The following NIPBL variants were observed in gnomAD, a reference collection of about 807,000 sequenced individuals.
NIPBL encodes the protein NIPBL cohesin loading factor.
Under a neutral mutation model 321.8 loss-of-function variants are expected in NIPBL, and 19 were observed. That is an observed-to-expected ratio of 0.06 (90% CI 0.04 to 0.09). NIPBL has a LOEUF of 0.09. Ranked by LOEUF, NIPBL falls within the 10% of genes least tolerant of loss-of-function variation. The probability of loss-of-function intolerance (pLI) is 1.00; values close to 1 mark genes in which losing one functional copy is unlikely to be tolerated. For synonymous variants in NIPBL, 1,106 were observed against 1,114.1 expected (o/e 0.99, Z 0.14); for missense variants, 2,210 against 3,327.0 (o/e 0.66, Z 8.26).
At chr5:37,058,581 A>G (rs995218827) in intron 43 of NIPBL, among the ~76,000 whole-genome samples, 15 of 152,156 alleles carry the variant, frequency 9.9e-5, no homozygotes, top group African/African-American at 1.9e-4. Context: ...TGACTTACCT[A>G]TGCACCAAAT....
intron 32 of NIPBL, among the ~76,000 whole-genome samples, chr5:37,030,701 C>T (rs1037736227): frequency 1.3e-5 from 2 of 151,508 alleles, no homozygotes; most frequent in African/African-American, 4.8e-5. Context: ...ACTAAAATAG[C>T]TTCAAATTCC....
Position 36,937,542 on chromosome 5 carries a change from AT to A in NIPBL, c.-79-16065del, listed in dbSNP as rs72215142. Among the ~76,000 whole-genome samples the A allele has an allele frequency of 1.2e-3, 175 of 147,840 alleles. 1 individual carries two copies. Among genetic ancestry groups the A allele is most frequent in the African/African-American group, 3.4e-3 (137 of 40,486 alleles). ...TGCTGGATTGTACTTTCAGGATGTG[AT>A]TTTTTTTTTTCCCAAGAAAAGAGAA... On this transcript the variant is annotated intron_variant, in intron 1 of 46. Transcript: ENST00000282516.
In NIPBL at chr5:37,008,709, T is replaced by C. The variant is rs1484355469; in HGVS notation, c.4407T>C (p.Ser1469=). The C allele has an allele frequency of 3.2e-6, 5 of 1,581,982 alleles. No individual in the cohort carries two copies. Among genetic ancestry groups the C allele is most frequent in the Non-Finnish European group, 4.3e-6 (5 of 1,151,294 alleles). ...CAAGATTACCAACCAGCAAGAGGAG[T>C]TTAAGGAACTTCAGGTAATTAATTA... ...SLARLPTSKR[S]LRNFRLNSSD... Residue 1469 remains serine (S), a synonymous_variant, in exon 20 of 47, where the codon AGT becomes AGC. Transcript: ENST00000282516.
intron 1 of NIPBL, among the ~76,000 whole-genome samples, chr5:36,932,685 T>G (rs1749860138): frequency 6.6e-6 from 1 of 152,068 alleles, no homozygotes; most frequent in African/African-American, 2.4e-5. Flanking sequence ...TAATGTGATT[T>G]TTGATATGGG....
chr5:37,059,256 C>A, intron 44 of NIPBL, 91 bp downstream of exon 44: 1 of 1,424,962 alleles, frequency 7.0e-7, no homozygotes, highest in Non-Finnish European at 9.8e-7. Flanking sequence ...CCTGTAATCC[C>A]AACATTTTGG....
At chr5:37,027,516 A>G in intron 32 of NIPBL, 104 bp downstream of exon 32, 1 of 689,124 alleles carries the variant, frequency 1.5e-6, no homozygotes, top group Non-Finnish European at 2.4e-6. Flanking sequence ...GAACCTTTTT[A>G]GTTCTTTTGG....
intron 1 of NIPBL, among the ~76,000 whole-genome samples, chr5:36,910,713 A>G (rs1747984882): frequency 6.6e-6 from 1 of 152,174 alleles, no homozygotes; most frequent in Non-Finnish European, 1.5e-5. Flanking sequence ...GTAAGAAGGT[A>G]AAGGTAAAGG....
rs538392275 is a variant in NIPBL at position 37,001,216 on chromosome 5, A to T, written c.3664+138A>T. 1.4e-4 allele frequency: 92 copies of T among 653,102 alleles called. No homozygotes were observed. The Middle Eastern group carries it at 1.7e-3, about 12-fold the overall frequency. The allele number at this position is 653,102 out of a possible 1,614,324, so 40.5% of individuals were successfully genotyped here. On this transcript the variant is annotated intron_variant, in intron 14 of 46. Coordinates refer to ENST00000282516, the MANE Select transcript of NIPBL (RefSeq NM_133433.4). ...TTGTTGTGATCACTTGTTGCTGACA[A>T]TGATAAACTTTCTAGTCTGTTATTT...
chr5:36,961,821 A>G, intron 5 of NIPBL, among the ~76,000 whole-genome samples: 1 of 152,242 alleles, frequency 6.6e-6, no homozygotes, highest in East Asian at 1.9e-4. Flanking sequence ...AAATGTTAAA[A>G]TAACTAATGT....
chr5:36,895,707 T>C (rs955622763), intron 1 of NIPBL, among the ~76,000 whole-genome samples: 1 of 152,252 alleles, frequency 6.6e-6, no homozygotes, highest in Non-Finnish European at 1.5e-5. Context: ...TCCTAATGAC[T>C]GATGATATTA....
chr5:37,046,731 A>G (rs982092132), intron 38 of NIPBL, among the ~76,000 whole-genome samples: 1 of 152,216 alleles, frequency 6.6e-6, no homozygotes, highest in Non-Finnish European at 1.5e-5. Context: ...TTGATGTAAT[A>G]AAAACATGTT....
chr5:36,877,714 A>G (rs1452121833), intron 1 of NIPBL, among the ~76,000 whole-genome samples: 1 of 152,220 alleles, frequency 6.6e-6, no homozygotes. Context: ...AGTGAGACAA[A>G]CGTAAATACT....
chr5:36,995,416 T>C, intron 10 of NIPBL: 3 of 424,642 alleles, frequency 7.1e-6, no homozygotes, highest in Non-Finnish European at 8.3e-6. Flanking sequence ...TTAAAGTCAT[T>C]ACATAATTAT....
At chr5:37,012,774 G>C (rs1324468288) in intron 21 of NIPBL, among the ~76,000 whole-genome samples, 1 of 152,138 alleles carries the variant, frequency 6.6e-6, no homozygotes, top group Non-Finnish European at 1.5e-5. Context: ...GAGAGCACAG[G>C]GTTGGGGGTA....
chr5:36,969,451 A>C (rs1742606373), intron 6 of NIPBL, among the ~76,000 whole-genome samples: 3 of 152,240 alleles, frequency 2.0e-5, no homozygotes, highest in Admixed American at 2.0e-4. Flanking sequence ...TGAAGAGCTT[A>C]GGAACATACC....
chr5:36,985,286 C>T lies in NIPBL; in HGVS notation c.2106C>T (p.Thr702=). 6.2e-7 allele frequency: 1 copy of T among 1,613,380 alleles called. No homozygotes were observed. The highest frequency in any genetic ancestry group is 8.5e-7 in the Non-Finnish European group (1 of 1,179,866). The change falls in exon 10 of 47, where the codon ACC becomes ACT. Residue 702 remains threonine (T), a synonymous_variant. Transcript: ENST00000282516. The stretch of plus-strand genomic sequence containing the variant: ...AAACAACAAAATCAAGGCCTGAAAC[C>T]CCAAAGCAAAAGGGTGAAAGCCGGC... ...RSETTKSRPE[T]PKQKGESRPE...
Position 36,976,145 on chromosome 5 carries a change from C to T in NIPBL, c.1238C>T (p.Pro413Leu). 1 of 1,613,426 alleles carries T rather than the reference C, an allele frequency of 6.2e-7. No individual in the cohort carries two copies. ...TPITPQDINR[P>L]LNAAQCLSQQ... ...ATTACTCCACAAGATATAAACCGCCCACTAAATGCTGCTCAATGTTTGTCG... is the reference window on the plus strand; with the variant it reads ...ATTACTCCACAAGATATAAACCGCCTACTAAATGCTGCTCAATGTTTGTCG... The change falls in exon 9 of 47, where the codon CCA (proline) becomes CTA (leucine). Residue 413 changes from proline to leucine, a missense_variant. This residue lies in a region of NIPBL where 464 missense variants were observed against 529.5 expected (regional missense o/e 0.88). Coordinates refer to ENST00000282516, the MANE Select transcript of NIPBL (RefSeq NM_133433.4).
At chr5:36,905,979 C>T (rs532289761) in intron 1 of NIPBL, among the ~76,000 whole-genome samples, 5 of 152,154 alleles carry the variant, frequency 3.3e-5, no homozygotes, top group East Asian at 1.9e-4. Flanking sequence ...CTCCTGACCT[C>T]GTGATCCGCC....
rs147173580 is a variant in NIPBL at position 37,033,619 on chromosome 5, C to T, written c.5863-2760C>T. The stretch of plus-strand genomic sequence containing the variant: ...CAACTCCATATAGATTAAAGGAGAA[C>T]TTTAAAACTTTTAGAAAATATAGGA... On this transcript the variant is annotated intron_variant, in intron 32 of 46. Coordinates refer to ENST00000282516, the MANE Select transcript of NIPBL (RefSeq NM_133433.4). Among the ~76,000 whole-genome samples, 799 of 138,020 alleles carry T rather than the reference C, an allele frequency of 5.8e-3. 4 individuals carry two copies. The highest frequency in any genetic ancestry group is 0.015 in the South Asian group (66 of 4,366). 90.5% of individuals were successfully genotyped at this position (138,020 alleles called of 152,430 possible). A position where few individuals can be genotyped will look rare whatever the true frequency, so the allele number is the denominator to read the frequency against.
Sources: allele counts gnomAD v4.1 joint callset (sites outside exome capture counted in the v4.1 genomes callset), GRCh38; gene constraint gnomAD v4.1.1; regional missense constraint gnomAD v4.1.1; transcripts MANE v1.5; gene names NCBI Gene and HGNC (gene_info 2026-07-23, HGNC 2026-07-21).